The following SUGCT variants were observed in gnomAD, a reference collection of about 807,000 sequenced individuals.
The protein encoded by SUGCT is succinyl-CoA:glutarate CoA-transferase.
Under a neutral mutation model 55.0 loss-of-function variants are expected in SUGCT, and 41 were observed. The ratio of observed to expected loss-of-function variants is 0.74; its 90% CI spans 0.58 to 0.97. The LOEUF is 0.97. Ranked by LOEUF, SUGCT falls within the 50% of genes least tolerant of loss-of-function variation. The probability of loss-of-function intolerance (pLI) is 0.00; values close to 1 mark genes in which losing one functional copy is unlikely to be tolerated. For missense variants in SUGCT, 568 were observed against 547.8 expected, an observed-to-expected ratio of 1.04 and a Z score of -0.37; for synonymous variants, 187 against 200.4, an observed-to-expected ratio of 0.93 and a Z score of 0.56.
chr7:40,408,414 G>A (rs368650647), intron 9 of SUGCT, among the ~76,000 whole-genome samples: 24 of 151,798 alleles, frequency 1.6e-4, no homozygotes, highest in East Asian at 5.8e-4. Flanking sequence ...TATGCCTCCC[G>A]CTTTCTGCTT....
At chr7:40,770,812 G>T (rs1789060296) in intron 13 of SUGCT, among the ~76,000 whole-genome samples, 1 of 152,124 alleles carries the variant, frequency 6.6e-6, no homozygotes, top group Admixed American at 6.5e-5. Flanking sequence ...ATGCACTGGT[G>T]TCCCTCCTGT....
intron 9 of SUGCT, among the ~76,000 whole-genome samples, chr7:40,372,744 T>G (rs1382564067): frequency 6.6e-6 from 1 of 152,034 alleles, no homozygotes; most frequent in African/African-American, 2.4e-5. Context: ...ACAGAGAATG[T>G]TCTCTAACAG....
chr7:40,393,798 A>G lies in SUGCT; in HGVS notation c.817-55489A>G, dbSNP rs998908277. On this transcript the variant is annotated intron_variant, in intron 9 of 13. Coordinates refer to ENST00000335693, the MANE Select transcript of SUGCT (RefSeq NM_001193313.2). ...TACTTTTAGAGCATGTGTGGGTCAT[A>G]TGTGTTAGACAGTCCAGTGATTACA... Among the ~76,000 whole-genome samples the G allele has an allele frequency of 2.6e-5, 4 of 152,296 alleles. No individual in the cohort carries two copies. In the East Asian group the frequency reaches 7.7e-4, roughly 29 times the overall value.
rs1211156461 is a variant in SUGCT, at chr7:40,245,421, ATATTTTTTTTTTTTT to A, written c.576+7697_576+7711del. 1.3e-4 allele frequency among the ~76,000 whole-genome samples: 5 copies of A among 39,900 alleles called. 1 individual carries two copies. Among genetic ancestry groups the A allele is most frequent in the Non-Finnish European group, 1.9e-4 (4 of 21,334 alleles). 26.2% of individuals were successfully genotyped at this position (39,900 alleles called of 152,430 possible). A position where few individuals can be genotyped will look rare whatever the true frequency, so the allele number is the denominator to read the frequency against. ...GTAGTAGACATATATATATATATATATATTTTTTTTTTTTTTTTTTTTTTTTTTTTTTTTTTGAGA... is the reference window on the plus strand; with the variant it reads ...GTAGTAGACATATATATATATATATATTTTTTTTTTTTTTTTTTTTTGAGA... On this transcript the variant is annotated intron_variant, in intron 7 of 13. Coordinates refer to ENST00000335693, the MANE Select transcript of SUGCT (RefSeq NM_001193313.2).
chr7:40,889,394 T>C, the SUGCT span, among the ~76,000 whole-genome samples: 3 of 152,100 alleles, frequency 2.0e-5, no homozygotes, highest in Non-Finnish European at 4.4e-5. Flanking sequence ...TGTCTCAGAG[T>C]ACTGTTAACT....
chr7:40,623,958 A>G (rs1272071822), intron 12 of SUGCT, among the ~76,000 whole-genome samples: 2 of 152,100 alleles, frequency 1.3e-5, no homozygotes, highest in Admixed American at 6.5e-5. Context: ...TATTTCTGTT[A>G]ATGTTAATTA....
At chr7:41,036,117 C>T in the SUGCT span, among the ~76,000 whole-genome samples, 1 of 152,146 alleles carries the variant, frequency 6.6e-6, no homozygotes, top group East Asian at 1.9e-4. Context: ...TGACTGGTGC[C>T]AGGCTTATTA....
intron 13 of SUGCT, among the ~76,000 whole-genome samples, chr7:40,820,174 G>A (rs1791907539): frequency 6.6e-6 from 1 of 152,172 alleles, no homozygotes; most frequent in South Asian, 2.1e-4. Flanking sequence ...TAGCCTTGTA[G>A]TATAGTTTGA....
intron 6 of SUGCT, among the ~76,000 whole-genome samples, chr7:40,218,990 G>A (rs538969284): frequency 6.6e-6 from 1 of 152,130 alleles, no homozygotes; most frequent in Admixed American, 6.5e-5. Flanking sequence ...CTTGCAATAA[G>A]TCTTGCTACT....
intron 9 of SUGCT, among the ~76,000 whole-genome samples, chr7:40,406,739 A>G (rs1786391399): frequency 1.3e-5 from 2 of 152,234 alleles, no homozygotes; most frequent in African/African-American, 2.4e-5. Context: ...AATGTATCTC[A>G]GGGATAAGTA....
At chr7:40,245,456 T>C (rs1789799678) in intron 7 of SUGCT, among the ~76,000 whole-genome samples, 1 of 114,314 alleles carries the variant, frequency 8.7e-6, no homozygotes, top group Non-Finnish European at 1.7e-5. Flanking sequence ...TTTTTTTTTT[T>C]TGAGATGGAG....
chr7:40,998,949 T>G, the SUGCT span, among the ~76,000 whole-genome samples: 1 of 152,234 alleles, frequency 6.6e-6, no homozygotes, highest in African/African-American at 2.4e-5. Flanking sequence ...GGGATCACAT[T>G]TATGATTCTG....
chr7:40,619,696 CCTAT>C (rs1200422309), intron 12 of SUGCT, among the ~76,000 whole-genome samples: 1 of 152,034 alleles, frequency 6.6e-6, no homozygotes, highest in Non-Finnish European at 1.5e-5. Flanking sequence ...TGAAGTAATT[CCTAT>C]CTTTTATCTC....
chr7:40,880,714 C>G, the SUGCT span, among the ~76,000 whole-genome samples: 77,705 of 152,050 alleles, frequency 0.51, 20,940 homozygotes, highest in East Asian at 0.9. Context: ...AGAATCTCTT[C>G]GTTGCCTTCC....
chr7:40,629,723 A>G (rs931402360), intron 12 of SUGCT, among the ~76,000 whole-genome samples: 7 of 152,214 alleles, frequency 4.6e-5, no homozygotes, highest in Non-Finnish European at 7.3e-5. Flanking sequence ...AGGTTTATGT[A>G]TTAAGAAATA....
intron 13 of SUGCT, among the ~76,000 whole-genome samples, chr7:40,823,358 A>G (rs1328622559): frequency 2.0e-5 from 3 of 152,104 alleles, no homozygotes; most frequent in East Asian, 1.9e-4. Flanking sequence ...GACTGTCTCT[A>G]CTACATACAT....
At chr7:40,388,744 A>C (rs1311472554) in intron 9 of SUGCT, among the ~76,000 whole-genome samples, 2 of 152,194 alleles carry the variant, frequency 1.3e-5, no homozygotes, top group Non-Finnish European at 2.9e-5. Flanking sequence ...AAATGTTAGC[A>C]GATGTTCCTG....
intron 1 of SUGCT, among the ~76,000 whole-genome samples, chr7:40,180,291 G>T (rs1402956985): frequency 6.6e-6 from 1 of 151,784 alleles, no homozygotes; most frequent in East Asian, 1.9e-4. Flanking sequence ...GCTATTTTTT[G>T]TATTGTTAGT....
chr7:40,348,543 T>G (rs912041405), intron 9 of SUGCT, among the ~76,000 whole-genome samples: 4 of 152,170 alleles, frequency 2.6e-5, no homozygotes, highest in African/African-American at 9.7e-5. Flanking sequence ...ACCTTTGAAC[T>G]CATCAAGTCT....
Sources: gnomAD v4.1 joint callset for allele counts (sites outside exome capture counted in the v4.1 genomes callset) on GRCh38, gnomAD v4.1.1 for gene constraint, MANE v1.5 for transcripts, NCBI Gene and HGNC (gene_info 2026-07-23, HGNC 2026-07-21) for gene names.